PCNX1: variants seen among roughly 807,000 people sequenced by gnomAD.
PCNX1 encodes pecanex 1.
Under a neutral mutation model 242.2 loss-of-function variants are expected in PCNX1, and 78 were observed. That is an observed-to-expected ratio of 0.32 (90% CI 0.27 to 0.39). PCNX1 has a LOEUF of 0.39. PCNX1 is among the 10% of genes least tolerant of loss of function. The pLI, the probability that PCNX1 is intolerant of heterozygous loss-of-function variation, is 1.00. For missense variants in PCNX1, 2,581 were observed against 2,856.5 expected (o/e 0.90, Z 2.20); for synonymous variants, 1,024 against 1,032.9 (o/e 0.99, Z 0.17).
intron 1 of PCNX1, among the ~76,000 whole-genome samples, chr14:70,943,309 T>G (rs999496275): frequency 6.6e-6 from 1 of 152,180 alleles, no homozygotes; most frequent in African/African-American, 2.4e-5. Flanking sequence ...AGAGACTTGT[T>G]GAATGGCTTT....
At chr14:70,948,956 T>C (rs1402091103) in intron 2 of PCNX1, among the ~76,000 whole-genome samples, 2 of 148,196 alleles carry the variant, frequency 1.3e-5, no homozygotes. Flanking sequence ...TACACATACG[T>C]ATATGTGTAT....
chr14:70,910,198 CTCCTCCTCG>C lies in PCNX1; in HGVS notation c.153+2204_153+2212del, dbSNP rs1566808933. On this transcript the variant is annotated intron_variant, in intron 1 of 35. Transcript: ENST00000304743. ...CCTCCTCCTCCTCCTCCTCCTCCTCCTCCTCCTCGTCCTCCTCCTCCTCCTCCTCCTCTC... is the reference window on the plus strand; with the variant it reads ...CCTCCTCCTCCTCCTCCTCCTCCTCCTCCTCCTCCTCCTCCTCCTCCTCTC... 6.3e-4 allele frequency among the ~76,000 whole-genome samples: 37 copies of C among 58,692 alleles called. 4 individuals carry two copies. Among genetic ancestry groups the C allele is most frequent in the South Asian group, 1.9e-3 (2 of 1,078 alleles). 38.5% of individuals were successfully genotyped at this position (58,692 alleles called of 152,430 possible).
chr14:70,939,103 T>C (rs561969135), intron 1 of PCNX1, among the ~76,000 whole-genome samples: 1 of 152,208 alleles, frequency 6.6e-6, no homozygotes, highest in Non-Finnish European at 1.5e-5. Flanking sequence ...TTGATTTTTT[T>C]TGAAGGGTTT....
At chr14:70,949,268 TGC>T (rs1491519463) in intron 2 of PCNX1, among the ~76,000 whole-genome samples, 23 of 23,364 alleles carry the variant, frequency 9.8e-4, no homozygotes, top group African/African-American at 2.6e-3. Flanking sequence ...CACACGTGTA[TGC>T]ACACACGTGT....
At chr14:70,924,436 T>C (rs1001446841) in intron 1 of PCNX1, among the ~76,000 whole-genome samples, 1 of 152,144 alleles carries the variant, frequency 6.6e-6, no homozygotes, top group Admixed American at 6.5e-5. Context: ...AGTGAGCCAA[T>C]ACTGATACAT....
At chr14:70,954,648 T>G (rs1285458152) in intron 2 of PCNX1, among the ~76,000 whole-genome samples, 1 of 152,226 alleles carries the variant, frequency 6.6e-6, no homozygotes, top group Admixed American at 6.5e-5. Context: ...TGTCGCAGTT[T>G]ATTTTGTGTC....
intron 19 of PCNX1, 130 bp from the exon 20 acceptor site, chr14:71,045,003 A>G (rs2060818578): frequency 3.2e-6 from 2 of 634,092 alleles, no homozygotes; most frequent in African/African-American, 1.9e-5. Flanking sequence ...ACTGTAGAAA[A>G]ATGTTTAGTT....
intron 1 of PCNX1, among the ~76,000 whole-genome samples, chr14:70,936,252 G>T (rs1398531132): frequency 1.3e-5 from 2 of 151,888 alleles, no homozygotes; most frequent in Non-Finnish European, 2.9e-5. Context: ...TTTACATTAG[G>T]TATATCTCCT....
intron 22 of PCNX1, chr14:71,049,172 T>G: frequency 1.4e-6 from 1 of 737,412 alleles, no homozygotes; most frequent in African/African-American, 1.9e-5. Flanking sequence ...ATGTAGTTGC[T>G]ACACTTAACT....
chr14:71,010,203 T>G (rs933822356), intron 9 of PCNX1, among the ~76,000 whole-genome samples: 2 of 152,096 alleles, frequency 1.3e-5, no homozygotes, highest in Non-Finnish European at 2.9e-5. Flanking sequence ...AATCAAGATA[T>G]CCCGAAGATC....
At position 70,907,902 on chromosome 14, in the gene PCNX1, A is replaced by T. The variant is rs759428545; in HGVS notation, c.52A>T (p.Ser18Cys). 1.3e-6 allele frequency: 2 copies of T among 1,576,658 alleles called. No individual in the cohort carries two copies. The highest frequency in any genetic ancestry group is 2.3e-5 in the South Asian group (2 of 86,776). ...ILRQGVWAAL[S>C]GGWYYDPHQA... The stretch of plus-strand genomic sequence containing the variant: ...CCGACAGGGGGTGTGGGCCGCGCTC[A>T]GCGGGGGCTGGTACTACGACCCGCA... The change falls in exon 1 of 36, where the codon AGC becomes TGC. Residue 18 changes from serine to cysteine, a missense_variant. This residue lies in a region of PCNX1 where 1,204 missense variants were observed against 1,216.7 expected (regional missense o/e 0.99). Transcript: ENST00000304743.
chr14:70,948,955 GTA>G lies in PCNX1; in HGVS notation c.362+1836_362+1837del, dbSNP rs1295054905. Among the ~76,000 whole-genome samples, 7 of 144,900 alleles carry G rather than the reference GTA, an allele frequency of 4.8e-5. No individual in the cohort carries two copies. In the South Asian group the frequency reaches 6.5e-4, roughly 13 times the overall value. ...TACATATATGTACATATACACATAC[GTA>G]TATGTGTATATACACTTATAAATGC... On this transcript the variant is annotated intron_variant, in intron 2 of 35. Transcript: ENST00000304743.
At chr14:71,019,892 C>T (rs1012799102) in intron 12 of PCNX1, among the ~76,000 whole-genome samples, 7 of 152,098 alleles carry the variant, frequency 4.6e-5, no homozygotes, top group African/African-American at 1.2e-4. Context: ...CCCATCAACC[C>T]GTCATCTACA....
intron 28 of PCNX1, among the ~76,000 whole-genome samples, chr14:71,084,461 C>T (rs1383562655): frequency 1.3e-5 from 2 of 152,204 alleles, no homozygotes; most frequent in Non-Finnish European, 2.9e-5. Flanking sequence ...GCCACCCCTT[C>T]CCCCAGGTGC....
intron 1 of PCNX1, among the ~76,000 whole-genome samples, chr14:70,929,762 A>G (rs183698789): frequency 2.6e-5 from 4 of 152,226 alleles, no homozygotes; most frequent in Non-Finnish European, 5.9e-5. Flanking sequence ...TAGATGTGCT[A>G]TGTAAACCTG....
chr14:71,109,088 T>A, intron 34 of PCNX1, 42 bp downstream of exon 34: 1 of 1,443,758 alleles, frequency 6.9e-7, no homozygotes, highest in Non-Finnish European at 9.4e-7. Context: ...TTTTGTTACT[T>A]ATTTGTTTTT....
intron 29 of PCNX1, 134 bp from the exon 30 acceptor site, chr14:71,089,058 G>C: frequency 1.6e-6 from 1 of 641,782 alleles, no homozygotes; most frequent in African/African-American, 1.8e-5. Flanking sequence ...CTGGTTCAGG[G>C]TTCTGACATT....
chr14:70,986,007 TATAAC>T (rs1326694689), intron 6 of PCNX1, among the ~76,000 whole-genome samples: 4 of 152,368 alleles, frequency 2.6e-5, no homozygotes, highest in Middle Eastern at 3.4e-3. Flanking sequence ...CAAGTGTGGC[TATAAC>T]ATATGTGACT....
At chr14:71,084,172 G>A (rs568546732) in intron 28 of PCNX1, among the ~76,000 whole-genome samples, 2 of 152,316 alleles carry the variant, frequency 1.3e-5, no homozygotes, top group Admixed American at 6.5e-5. Context: ...GGTATCACCA[G>A]TGGAGGCTGC....
Sources: allele counts gnomAD v4.1 joint callset (sites outside exome capture counted in the v4.1 genomes callset), GRCh38; gene constraint gnomAD v4.1.1; regional missense constraint gnomAD v4.1.1; transcripts MANE v1.5; gene names NCBI Gene and HGNC (gene_info 2026-07-23, HGNC 2026-07-21).